The following ARHGAP31 variants were observed in gnomAD, a reference collection of about 807,000 sequenced individuals.
ARHGAP31 encodes rho GTPase-activating protein 31.
ARHGAP31 carries 34 observed loss-of-function variants against 113.9 expected under a neutral mutation model. The ratio of observed to expected loss-of-function variants is 0.30; its 90% CI spans 0.23 to 0.40. The LOEUF (loss-of-function observed/expected upper bound fraction) is 0.40, where lower values mean the gene tolerates loss of function less well. Among genes scored for constraint, ARHGAP31 ranks in the 10% least tolerant of loss-of-function variants. The pLI is 1.00. For missense variants in ARHGAP31, 1,548 were observed against 1,767.1 expected (o/e 0.88, Z 2.22); for synonymous variants, 650 against 684.8 (o/e 0.95, Z 0.79).
chr3:119,352,784 T>C (rs2080121172), intron 1 of ARHGAP31, among the ~76,000 whole-genome samples: 2 of 152,274 alleles, frequency 1.3e-5, no homozygotes, highest in African/African-American at 4.8e-5. Context: ...CAAGGTAGTG[T>C]TTTAGAAAGA....
At chr3:119,383,424 G>A (rs745484097) in intron 6 of ARHGAP31, among the ~76,000 whole-genome samples, 198 bp downstream of exon 6, 2 of 152,200 alleles carry the variant, frequency 1.3e-5, no homozygotes, top group Non-Finnish European at 2.9e-5. Context: ...TGGTGTGTTT[G>A]CATGTGGCTT....
At chr3:119,402,955 T>C (rs1311926938) in intron 10 of ARHGAP31, among the ~76,000 whole-genome samples, 1 of 152,240 alleles carries the variant, frequency 6.6e-6, no homozygotes, top group Non-Finnish European at 1.5e-5. Flanking sequence ...GGAAGGATTC[T>C]GATTGGATCT....
chr3:119,359,967 A>G (rs1184895596), intron 1 of ARHGAP31, among the ~76,000 whole-genome samples: 2 of 152,012 alleles, frequency 1.3e-5, no homozygotes, highest in African/African-American at 4.8e-5. Flanking sequence ...CTCAAGTATC[A>G]TTATTCTTTG....
intron 1 of ARHGAP31, among the ~76,000 whole-genome samples, chr3:119,330,631 C>T (rs1008293333): frequency 3.9e-5 from 6 of 152,190 alleles, no homozygotes; most frequent in African/African-American, 1.2e-4. Flanking sequence ...AGCAAGTCAC[C>T]TCCCCTTGGA....
intron 1 of ARHGAP31, among the ~76,000 whole-genome samples, chr3:119,363,164 G>A (rs1261361125): frequency 2.0e-5 from 3 of 152,166 alleles, no homozygotes; most frequent in African/African-American, 7.2e-5. Context: ...AGTGAGGTGT[G>A]GTGGGGAAAG....
intron 1 of ARHGAP31, among the ~76,000 whole-genome samples, chr3:119,332,629 TCTCTCTCACACA>T (rs1248004860): frequency 0.019 from 2,338 of 120,086 alleles, 20 homozygotes; most frequent in East Asian, 0.04. Flanking sequence ...TCTCTCTCTC[TCTCTCTCACACA>T]CACACACACA....
chr3:119,368,594 CAAT>C lies in ARHGAP31; in HGVS notation c.348+84_348+86del, dbSNP rs2107624393. 1.6e-5 allele frequency: 24 copies of C among 1,532,648 alleles called. No homozygotes were observed. In the South Asian group the frequency reaches 2.7e-4, roughly 17 times the overall value. 94.9% of individuals were successfully genotyped at this position (1,532,648 alleles called of 1,614,324 possible). On this transcript the variant is annotated intron_variant, in intron 3 of 11. Coordinates refer to ENST00000264245, the MANE Select transcript of ARHGAP31 (RefSeq NM_020754.4). ...AAGAAGAGTTTCAGCACTAAAATAACAATAATAACACTCACCAGATGGTTGACA... is the reference window on the plus strand; with the variant it reads ...AAGAAGAGTTTCAGCACTAAAATAACAATAACACTCACCAGATGGTTGACA...
Position 119,369,735 on chromosome 3 carries a change from A to G in ARHGAP31, c.348+1219A>G, listed in dbSNP as rs113587196. 4.8e-4 allele frequency among the ~76,000 whole-genome samples: 73 copies of G among 152,338 alleles called. 1 individual carries two copies. Among genetic ancestry groups the G allele is most frequent in the African/African-American group, 1.6e-3 (68 of 41,584 alleles). ...TATTAAGAAAGGAATAAAAGGAAAG[A>G]TGTTCAAAAGACTAAAAGACTAACA... On this transcript the variant is annotated intron_variant, in intron 3 of 11. Coordinates refer to ENST00000264245, the MANE Select transcript of ARHGAP31 (RefSeq NM_020754.4).
chr3:119,383,060 G>A (rs1207957421), intron 5 of ARHGAP31, 24 bp from the exon 6 acceptor site: 2 of 1,613,724 alleles, frequency 1.2e-6, no homozygotes, highest in South Asian at 2.2e-5. Flanking sequence ...CTCACTAACT[G>A]AATATGTTTC....
At chr3:119,373,806 G>A (rs1427933252) in intron 3 of ARHGAP31, among the ~76,000 whole-genome samples, 3 of 152,130 alleles carry the variant, frequency 2.0e-5, no homozygotes, top group Admixed American at 2.0e-4. Context: ...GTATAAATTG[G>A]TTGGACGTCC....
intron 1 of ARHGAP31, among the ~76,000 whole-genome samples, chr3:119,328,626 C>A (rs2079866095): frequency 6.6e-6 from 1 of 151,954 alleles, no homozygotes; most frequent in Admixed American, 6.6e-5. Context: ...CCAGAAACTC[C>A]ACCTTTTTCT....
intron 5 of ARHGAP31, 70 bp from the exon 6 acceptor site, chr3:119,383,014 A>G (rs1236034123): frequency 3.8e-6 from 6 of 1,582,586 alleles, no homozygotes; most frequent in Non-Finnish European, 5.2e-6. Context: ...CAAAAGGCCC[A>G]CTGGCTCCTC....
chr3:119,416,547 T>G lies in ARHGAP31; in HGVS notation c.*283T>G, dbSNP rs914984094. 11 of 460,758 alleles carry G rather than the reference T, an allele frequency of 2.4e-5. No individual in the cohort carries two copies. The highest frequency in any genetic ancestry group is 1.4e-4 in the African/African-American group (7 of 50,540). 28.5% of individuals were successfully genotyped at this position (460,758 alleles called of 1,614,324 possible). ...GCTTGCCTCCAATGAACTTTGGAGC[T>G]TGTATGTGAGTCAGATTGCTCCCCT... On this transcript the variant is annotated 3_prime_UTR_variant, in exon 12 of 12. Coordinates refer to ENST00000264245, the MANE Select transcript of ARHGAP31 (RefSeq NM_020754.4).
At chr3:119,343,460 T>G (rs1436608451) in intron 1 of ARHGAP31, among the ~76,000 whole-genome samples, 1 of 152,228 alleles carries the variant, frequency 6.6e-6, no homozygotes, top group Non-Finnish European at 1.5e-5. Context: ...AGTAAATGTT[T>G]GAGGAAAAGG....
At chr3:119,367,278 T>G (rs1468864925) in intron 2 of ARHGAP31, among the ~76,000 whole-genome samples, 2 of 152,194 alleles carry the variant, frequency 1.3e-5, no homozygotes, top group African/African-American at 2.4e-5. Context: ...TGTCACCAGT[T>G]GGATGACTAA....
chr3:119,330,299 C>G (rs1276507062), intron 1 of ARHGAP31, among the ~76,000 whole-genome samples: 2 of 152,190 alleles, frequency 1.3e-5, no homozygotes, highest in Non-Finnish European at 2.9e-5. Context: ...TCTACCATTA[C>G]AAAGCAGGGT....
At chr3:119,308,365 CACTA>C (rs1559961683) in intron 1 of ARHGAP31, among the ~76,000 whole-genome samples, 1 of 152,214 alleles carries the variant, frequency 6.6e-6, no homozygotes, top group Non-Finnish European at 1.5e-5. Flanking sequence ...ACACAGCTGT[CACTA>C]AAGTCAAGGT....
At chr3:119,319,451 C>T (rs116659789) in intron 1 of ARHGAP31, among the ~76,000 whole-genome samples, 249 of 152,042 alleles carry the variant, frequency 1.6e-3, no homozygotes, top group African/African-American at 5.8e-3. Flanking sequence ...TAAGAAACCA[C>T]GGTACATTAT....
chr3:119,370,570 G>A (rs2080289674), intron 3 of ARHGAP31, among the ~76,000 whole-genome samples: 1 of 152,108 alleles, frequency 6.6e-6, no homozygotes, highest in African/African-American at 2.4e-5. Context: ...AGTAATAGAT[G>A]TTAACAGATC....
Sources: gnomAD v4.1 joint callset for allele counts (sites outside exome capture counted in the v4.1 genomes callset) on GRCh38, gnomAD v4.1.1 for gene constraint, MANE v1.5 for transcripts, NCBI Gene and HGNC (gene_info 2026-07-23, HGNC 2026-07-21) for gene names.